Variants in HS3ST4 observed in about 807,000 individuals in gnomAD.
HS3ST4 encodes heparan sulfate glucosamine 3-O-sulfotransferase 4.
Under a neutral mutation model 29.2 loss-of-function variants are expected in HS3ST4, and 17 were observed. That is an observed-to-expected ratio of 0.58 (90% CI 0.40 to 0.87). The LOEUF (loss-of-function observed/expected upper bound fraction) is 0.87, where lower values mean the gene tolerates loss of function less well. Ranked by LOEUF, HS3ST4 falls within the 40% of genes least tolerant of loss-of-function variation. The pLI, the probability that HS3ST4 is intolerant of heterozygous loss-of-function variation, is 0.00. For synonymous variants in HS3ST4, 314 were observed against 285.7 expected, an observed-to-expected ratio of 1.10 and a Z score of -1.00; for missense variants, 627 against 634.5, an observed-to-expected ratio of 0.99 and a Z score of 0.13.
chr16:25,926,376 C>T (rs769768145), intron 1 of HS3ST4, among the ~76,000 whole-genome samples: 53 of 152,204 alleles, frequency 3.5e-4, no homozygotes, highest in Non-Finnish European at 5.1e-4. Context: ...TTGTTGTTTA[C>T]GTGTATGTTT....
chr16:26,021,745 C>G (rs982067245), intron 1 of HS3ST4, among the ~76,000 whole-genome samples: 1 of 152,148 alleles, frequency 6.6e-6, no homozygotes, highest in South Asian at 2.1e-4. Context: ...CTCACTGCAA[C>G]CTCCGCCTCC....
intron 1 of HS3ST4, among the ~76,000 whole-genome samples, chr16:25,773,916 TA>T (rs1298924562): frequency 6.6e-6 from 1 of 152,040 alleles, no homozygotes; most frequent in African/African-American, 2.4e-5. Context: ...CCAGCCCCCC[TA>T]AACCCTTGAT....
At position 25,795,551 on chromosome 16, in the gene HS3ST4, A is replaced by G. The variant is rs117926425; in HGVS notation, c.734+102400A>G. Among the ~76,000 whole-genome samples, 1,250 of 152,328 alleles carry G rather than the reference A, an allele frequency of 8.2e-3. 10 individuals are homozygous for G. The highest frequency in any genetic ancestry group is 0.014 in the Non-Finnish European group (945 of 68,018). On this transcript the variant is annotated intron_variant, in intron 1 of 1. Transcript: ENST00000331351. ...TCAAAGTGAGTCTCATAACTCCAGT[A>G]ACAGAGTCAATCGTGAGTCTCTTTT...
chr16:26,118,031 C>A (rs940425048), intron 1 of HS3ST4, among the ~76,000 whole-genome samples: 14 of 152,098 alleles, frequency 9.2e-5, no homozygotes, highest in African/African-American at 3.4e-4. Context: ...GGGTCAGGGG[C>A]TATTTTTGGT....
chr16:26,112,312 G>A (rs1042479471), intron 1 of HS3ST4, among the ~76,000 whole-genome samples: 5 of 150,954 alleles, frequency 3.3e-5, no homozygotes, highest in Non-Finnish European at 5.9e-5. Flanking sequence ...ATTAACTTGG[G>A]TGATCACTAA....
At chr16:25,864,846 G>C (rs72780747) in intron 1 of HS3ST4, among the ~76,000 whole-genome samples, 17,211 of 150,246 alleles carry the variant, frequency 0.11, 1,277 homozygotes, top group East Asian at 0.26. Context: ...CCTGCATTTT[G>C]TGTGTATATA....
At chr16:25,858,962 T>G (rs1967610677) in intron 1 of HS3ST4, among the ~76,000 whole-genome samples, 1 of 152,094 alleles carries the variant, frequency 6.6e-6, no homozygotes, top group Admixed American at 6.6e-5. Flanking sequence ...TTAGTTTGGG[T>G]TTGGAACTCA....
chr16:25,795,479 A>C (rs1050267422), intron 1 of HS3ST4, among the ~76,000 whole-genome samples: 2 of 152,148 alleles, frequency 1.3e-5, no homozygotes, highest in Admixed American at 1.3e-4. Flanking sequence ...TTATGTGCTC[A>C]AACTTTCTAA....
intron 1 of HS3ST4, among the ~76,000 whole-genome samples, chr16:25,714,436 A>G (rs1428233965): frequency 1.3e-5 from 2 of 152,194 alleles, no homozygotes; most frequent in Non-Finnish European, 2.9e-5. Context: ...TTAACACACC[A>G]TGCTGACTCA....
chr16:26,045,585 C>T (rs1898255973), intron 1 of HS3ST4, among the ~76,000 whole-genome samples: 2 of 152,184 alleles, frequency 1.3e-5, no homozygotes, highest in Admixed American at 6.5e-5. Context: ...TCCCAGGATT[C>T]TCCACACTAG....
rs1336785666 is a variant in HS3ST4 at position 26,136,469 on chromosome 16, G to A, written c.*221G>A. The A allele has an allele frequency of 5.2e-6, 3 of 577,606 alleles. No homozygotes were observed. Among genetic ancestry groups the A allele is most frequent in the African/African-American group, 1.9e-5 (1 of 53,536 alleles). The allele number at this position is 577,606 out of a possible 1,614,324, so 35.8% of individuals were successfully genotyped here. A position where few individuals can be genotyped will look rare whatever the true frequency, so the allele number is the denominator to read the frequency against. On this transcript the variant is annotated 3_prime_UTR_variant, in exon 2 of 2. Coordinates refer to ENST00000331351, the MANE Select transcript of HS3ST4 (RefSeq NM_006040.3). ...AGGCCCATCTGGGCAGCAGCATCTG[G>A]TTGACCAGATGGCCACCAGAACCCA... is the stretch of plus-strand genomic sequence containing the variant.
intron 1 of HS3ST4, among the ~76,000 whole-genome samples, chr16:25,893,284 C>A (rs1179317973): frequency 6.6e-6 from 1 of 152,154 alleles, no homozygotes; most frequent in Non-Finnish European, 1.5e-5. Flanking sequence ...GATAAAGAGT[C>A]TAGATTTTAT....
rs776594679 is a variant in HS3ST4, at chr16:26,013,409, T to A, written c.735-122203T>A. Among the ~76,000 whole-genome samples the A allele has an allele frequency of 7.2e-5, 11 of 152,238 alleles. No homozygotes were observed. The South Asian group carries it at 1.2e-3, about 17-fold the overall frequency. On this transcript the variant is annotated intron_variant, in intron 1 of 1. Transcript: ENST00000331351. ...CAATATTATCTAGCTCAAGAGGTTG[T>A]TATGAGGAGCAAATAAAGCAATTAA...
intron 1 of HS3ST4, among the ~76,000 whole-genome samples, chr16:26,052,245 A>G (rs1479507550): frequency 6.6e-6 from 1 of 152,152 alleles, no homozygotes; most frequent in Non-Finnish European, 1.5e-5. Flanking sequence ...TTTTTGTCCA[A>G]TCCTATTTCT....
intron 1 of HS3ST4, among the ~76,000 whole-genome samples, chr16:25,729,201 C>A (rs1966555698): frequency 6.6e-6 from 1 of 152,100 alleles, no homozygotes; most frequent in Non-Finnish European, 1.5e-5. Flanking sequence ...CCAAGAAATC[C>A]AGTGGGGAAT....
chr16:25,856,693 T>A (rs1215563611), intron 1 of HS3ST4, among the ~76,000 whole-genome samples: 1 of 152,214 alleles, frequency 6.6e-6, no homozygotes, highest in Non-Finnish European at 1.5e-5. Context: ...TAAGAATGTT[T>A]ATGAATTTGT....
chr16:26,040,191 A>G (rs1969622899), intron 1 of HS3ST4, among the ~76,000 whole-genome samples: 1 of 151,408 alleles, frequency 6.6e-6, no homozygotes, highest in Admixed American at 6.6e-5. Flanking sequence ...GAAGTTGGAC[A>G]TGTTTGTGTC....
intron 1 of HS3ST4, among the ~76,000 whole-genome samples, chr16:25,935,524 A>G (rs1968509623): frequency 2.0e-5 from 3 of 152,028 alleles, no homozygotes; most frequent in African/African-American, 4.8e-5. Flanking sequence ...TACTTTACTC[A>G]TGGTTTTTCC....
chr16:26,029,340 G>T (rs933012448), intron 1 of HS3ST4, among the ~76,000 whole-genome samples: 2 of 152,116 alleles, frequency 1.3e-5, no homozygotes, highest in Non-Finnish European at 2.9e-5. Flanking sequence ...TTGGTTTAAT[G>T]GTCCGCTATT....
Sources: allele counts gnomAD v4.1 joint callset (sites outside exome capture counted in the v4.1 genomes callset), GRCh38; gene constraint gnomAD v4.1.1; transcripts MANE v1.5; gene names NCBI Gene and HGNC (gene_info 2026-07-23, HGNC 2026-07-21).